Variants in LINGO2 observed in about 807,000 individuals in gnomAD.
LINGO2 encodes the protein leucine-rich repeat and immunoglobulin-like domain-containing nogo receptor-interacting protein 2.
A neutral mutation model predicts 30.6 loss-of-function variants in LINGO2; 14 were observed. The ratio of observed to expected loss-of-function variants is 0.46; its 90% CI spans 0.30 to 0.72. The LOEUF (loss-of-function observed/expected upper bound fraction) is 0.72, where lower values mean the gene tolerates loss of function less well. Among genes scored for constraint, LINGO2 ranks in the 30% least tolerant of loss-of-function variants. The probability of loss-of-function intolerance (pLI) is 0.07; values close to 1 mark genes in which losing one functional copy is unlikely to be tolerated. For missense variants in LINGO2, 729 were observed against 751.7 expected, an observed-to-expected ratio of 0.97 and a Z score of 0.35; for synonymous variants, 317 against 288.5, an observed-to-expected ratio of 1.10 and a Z score of -1.00.
the LINGO2 span, among the ~76,000 whole-genome samples, chr9:28,851,214 G>A: frequency 2.6e-5 from 4 of 152,054 alleles, no homozygotes; most frequent in Non-Finnish European, 5.9e-5. Context: ...CTAAAATCAA[G>A]GTGTTGAAAT....
At chr9:28,017,486 C>A (rs902977571) in intron 4 of LINGO2, among the ~76,000 whole-genome samples, 21 of 152,096 alleles carry the variant, frequency 1.4e-4, no homozygotes, top group African/African-American at 5.1e-4. Context: ...ACAAATTCAG[C>A]AAAATTTCAG....
At chr9:28,549,621 T>C (rs887748885) in intron 1 of LINGO2, among the ~76,000 whole-genome samples, 7 of 152,014 alleles carry the variant, frequency 4.6e-5, no homozygotes, top group South Asian at 2.1e-4. Context: ...CAATAATGGG[T>C]ATTATCATGT....
chr9:28,026,815 A>T (rs559011515), intron 4 of LINGO2, among the ~76,000 whole-genome samples: 2 of 152,182 alleles, frequency 1.3e-5, no homozygotes, highest in East Asian at 3.9e-4. Context: ...TGAACTATTT[A>T]TTTTTTATTG....
At chr9:28,423,623 GA>G (rs1823292790) in intron 2 of LINGO2, among the ~76,000 whole-genome samples, 1 of 152,118 alleles carries the variant, frequency 6.6e-6, no homozygotes, top group Non-Finnish European at 1.5e-5. Flanking sequence ...GTAATTCTTA[GA>G]AAGGAAAAAT....
chr9:28,878,716 A>C, the LINGO2 span, among the ~76,000 whole-genome samples: 1 of 151,918 alleles, frequency 6.6e-6, no homozygotes, highest in Non-Finnish European at 1.5e-5. Context: ...TCCAGCATAT[A>C]AACAGAACCA....
chr9:28,497,102 C>G (rs1435250651), intron 1 of LINGO2, among the ~76,000 whole-genome samples: 2 of 152,156 alleles, frequency 1.3e-5, no homozygotes, highest in Non-Finnish European at 2.9e-5. Context: ...TTTTTTCCTT[C>G]ATTTCAACTT....
At chr9:28,124,843 T>A (rs960842465) in intron 4 of LINGO2, among the ~76,000 whole-genome samples, 1 of 152,204 alleles carries the variant, frequency 6.6e-6, no homozygotes, top group Admixed American at 6.5e-5. Context: ...TGGCCTTTCA[T>A]TGAATCAAGT....
the LINGO2 span, among the ~76,000 whole-genome samples, chr9:29,076,728 C>G: frequency 6.6e-6 from 1 of 151,458 alleles, no homozygotes; most frequent in Non-Finnish European, 1.5e-5. Flanking sequence ...TCCTACCAAC[C>G]TAACACAACA....
At chr9:28,697,770 G>A in the LINGO2 span, among the ~76,000 whole-genome samples, 1 of 151,968 alleles carries the variant, frequency 6.6e-6, no homozygotes, top group Non-Finnish European at 1.5e-5. Flanking sequence ...AGTAAACTGT[G>A]AAAGCTAATC....
chr9:28,910,847 G>A, the LINGO2 span, among the ~76,000 whole-genome samples: 488 of 152,016 alleles, frequency 3.2e-3, 3 homozygotes, highest in African/African-American at 0.011. Flanking sequence ...TACTAGTCCT[G>A]TATATGGGAA....
intron 1 of LINGO2, among the ~76,000 whole-genome samples, chr9:28,603,058 A>G (rs2135753487): frequency 6.6e-6 from 1 of 152,204 alleles, no homozygotes; most frequent in East Asian, 1.9e-4. Context: ...ACAAAGCTAG[A>G]CACTCAAGTT....
the LINGO2 span, among the ~76,000 whole-genome samples, chr9:29,032,982 A>G: frequency 1.3e-5 from 2 of 152,152 alleles, no homozygotes; most frequent in Non-Finnish European, 2.9e-5. Context: ...AATGAATTTG[A>G]TTACAATTAT....
chr9:29,173,358 C>T, the LINGO2 span, among the ~76,000 whole-genome samples: 1 of 152,096 alleles, frequency 6.6e-6, no homozygotes. Context: ...AGACATGCTT[C>T]CTTTTATACA....
At chr9:28,431,121 C>T (rs1271038706) in intron 2 of LINGO2, among the ~76,000 whole-genome samples, 1 of 150,992 alleles carries the variant, frequency 6.6e-6, no homozygotes, top group Admixed American at 6.6e-5. Flanking sequence ...TCTCAAAAGC[C>T]ACATCCCATC....
At chr9:28,561,954 G>T (rs187449732) in intron 1 of LINGO2, among the ~76,000 whole-genome samples, 2 of 151,056 alleles carry the variant, frequency 1.3e-5, no homozygotes, top group African/African-American at 2.4e-5. Flanking sequence ...ATTTGTACTC[G>T]CTGAACTTCT....
the LINGO2 span, among the ~76,000 whole-genome samples, chr9:29,081,461 C>A: frequency 6.6e-6 from 1 of 151,958 alleles, no homozygotes; most frequent in Non-Finnish European, 1.5e-5. Context: ...TATGACAAAC[C>A]CACAGCCAAT....
chr9:28,854,236 A>T, the LINGO2 span, among the ~76,000 whole-genome samples: 4 of 152,008 alleles, frequency 2.6e-5, no homozygotes, highest in Admixed American at 1.3e-4. Flanking sequence ...AACTCTTCAT[A>T]AAATGCTCAA....
At chr9:28,208,923 T>C (rs990223943) in intron 4 of LINGO2, among the ~76,000 whole-genome samples, 6 of 152,038 alleles carry the variant, frequency 3.9e-5, no homozygotes, top group African/African-American at 1.4e-4. Flanking sequence ...TTTATTGATA[T>C]CATTTCTCTA....
intron 5 of LINGO2, among the ~76,000 whole-genome samples, chr9:27,959,125 A>G (rs1479646042): frequency 6.6e-6 from 1 of 152,088 alleles, no homozygotes; most frequent in Non-Finnish European, 1.5e-5. Flanking sequence ...TCTAGAGGTT[A>G]TCTGTTTTAT....
Sources: gnomAD v4.1 joint callset for allele counts (sites outside exome capture counted in the v4.1 genomes callset) on GRCh38, gnomAD v4.1.1 for gene constraint, MANE v1.5 for transcripts, NCBI Gene and HGNC (gene_info 2026-07-23, HGNC 2026-07-21) for gene names.